The following SLFN13 variants were observed in gnomAD, a reference collection of about 807,000 sequenced individuals.
SLFN13 encodes schlafen family member 13, also known as schlafen-13.
Under a neutral mutation model 50.6 loss-of-function variants are expected in SLFN13, and 43 were observed. The ratio of observed to expected loss-of-function variants is 0.85; its 90% CI spans 0.67 to 1.09. The LOEUF (loss-of-function observed/expected upper bound fraction) is 1.09, where lower values mean the gene tolerates loss of function less well. Ranked by LOEUF, SLFN13 falls within the 50% of genes least tolerant of loss-of-function variation. The probability of loss-of-function intolerance (pLI) is 0.00; values close to 1 mark genes in which losing one functional copy is unlikely to be tolerated. For missense variants in SLFN13, 881 were observed against 1,071.1 expected (o/e 0.82, Z 2.48); for synonymous variants, 339 against 386.5 (o/e 0.88, Z 1.44).
Position 35,445,499 on chromosome 17 carries a change from A to T in SLFN13, c.182T>A (p.Ile61Asn). The change falls in exon 3 of 6, where the codon ATT becomes AAT. Residue 61 changes from isoleucine (I) to asparagine (N), a missense_variant. By Grantham distance (149) the Ile-to-Asn change is moderately radical (BLOSUM62 -3). Coordinates refer to ENST00000285013, the MANE Select transcript of SLFN13 (RefSeq NM_144682.6). ...CALLNSGGGV[I>N]QMEMANRDER... is the part of the protein sequence containing the mutation. ...ATCCCTGTTGGCCATTTCCATCTGA[A>T]TCACTCCTCCTCCTGAGTTTAATAA... 1 of 1,614,170 alleles carries T rather than the reference A, an allele frequency of 6.2e-7. No individual in the cohort carries two copies. The highest frequency in any genetic ancestry group is 8.5e-7 in the Non-Finnish European group (1 of 1,180,026).
At position 35,441,604 on chromosome 17, in the gene SLFN13, A is replaced by G; in HGVS notation, c.1881T>C (p.Ile627=). The G allele has an allele frequency of 1.3e-6, 2 of 1,585,340 alleles. No homozygotes were observed. Among genetic ancestry groups the G allele is most frequent in the Non-Finnish European group, 1.7e-6 (2 of 1,170,326 alleles). The change falls in exon 5 of 6, where the codon ATT becomes ATC. Residue 627 remains isoleucine (I), a synonymous_variant. Transcript: ENST00000285013. ...RNVFHCEAHR[I]LYVCENQPLR... is the part of the protein sequence containing the mutation. Reference sequence around the variant, plus strand: ...GAGGCTGGTTTTCACAAACGTAGAGAATTCTGTGTGCCTCACAGTGAAACA... The same window carrying G: ...GAGGCTGGTTTTCACAAACGTAGAGGATTCTGTGTGCCTCACAGTGAAACA...
chr17:35,441,402 T>A (rs368533950), intron 5 of SLFN13, 36 bp from the exon 6 acceptor site: 1 of 1,574,538 alleles, frequency 6.4e-7, no homozygotes, highest in East Asian at 2.2e-5. Context: ...AGGTTTTCTC[T>A]AAGAAAACAA....
At position 35,444,837 on chromosome 17, in the gene SLFN13, T is replaced by C. The variant is rs1340622196; in HGVS notation, c.844A>G (p.Ile282Val). ...VIARAISKLPIVHFCSSKPRV... is the reference protein window; with the variant it reads ...VIARAISKLPVVHFCSSKPRV... ...GGTTTTGAAGAGCAAAAATGAACAA[T>C]GGGCAACTTAGAAATTGCTCTTGCA... Residue 282 changes from isoleucine (I) to valine (V), a missense_variant, in exon 3 of 6, where the codon ATT becomes GTT. Around this residue, in one of 5 missense-constraint regions of SLFN13, gnomAD observed 497 missense variants for 518.3 expected, o/e 0.96. Transcript: ENST00000285013. 2 of 1,614,202 alleles carry C rather than the reference T, an allele frequency of 1.2e-6. No individual in the cohort carries two copies. The highest frequency in any genetic ancestry group is 2.2e-5 in the South Asian group (2 of 91,088).
At position 35,441,147 on chromosome 17, in the gene SLFN13, G is replaced by A. The variant is rs1213490580; in HGVS notation, c.2142C>T (p.Gly714=). The A allele has an allele frequency of 6.2e-7, 1 of 1,614,018 alleles. No individual in the cohort carries two copies. The highest frequency in any genetic ancestry group is 8.5e-7 in the Non-Finnish European group (1 of 1,179,970). Residue 714 remains glycine, a synonymous_variant, in exon 6 of 6, where the codon GGC becomes GGT. Coordinates refer to ENST00000285013, the MANE Select transcript of SLFN13 (RefSeq NM_144682.6). ...GATACTGTGCTGAGAGAGGGGGAAG[G>A]CCACTGTGACCCAAGTGACTGGTCT... ...YFQTSHLGHS[G]LPPLSAQYPR...
chr17:35,449,441 G>A (rs1913393687), upstream of SLFN13, among the ~76,000 whole-genome samples: 1 of 151,702 alleles, frequency 6.6e-6, no homozygotes, highest in South Asian at 2.1e-4. Context: ...CCCTTCCACC[G>A]CACTGCAACT....
In SLFN13 at chr17:35,445,099, T is replaced by G; in HGVS notation, c.582A>C (p.Gln194His). ...TTTCACCATATTCAATAGTGTCAGT[T>G]TGGAAAACTTCATATGCAGGATTTG... ...SESNPAYEVF[Q>H]TDTIEYGEIL... The change falls in exon 3 of 6, where the codon CAA becomes CAC. Residue 194 changes from glutamine to histidine, a missense_variant. Physicochemically the swap from Gln to His is conservative, Grantham distance 24. This residue lies in a region of SLFN13 where 497 missense variants were observed against 518.3 expected (regional missense o/e 0.96). Coordinates refer to ENST00000285013, the MANE Select transcript of SLFN13 (RefSeq NM_144682.6). The G allele has an allele frequency of 1.2e-6, 2 of 1,613,818 alleles. No homozygotes were observed. The highest frequency in any genetic ancestry group is 1.7e-6 in the Non-Finnish European group (2 of 1,180,028).
chr17:35,442,366 A>G (rs1264401054), intron 4 of SLFN13, 80 bp from the exon 5 acceptor site: 4 of 1,428,722 alleles, frequency 2.8e-6, no homozygotes, highest in Non-Finnish European at 3.7e-6. Context: ...TTTAAAAGAC[A>G]GAGGAAAGCC....
chr17:35,442,733 A>G (rs1309328594), intron 4 of SLFN13, among the ~76,000 whole-genome samples: 1 of 152,098 alleles, frequency 6.6e-6, no homozygotes, highest in African/African-American at 2.4e-5. Flanking sequence ...ATGAGCCACC[A>G]CGCCTTGCCT....
intron 4 of SLFN13, among the ~76,000 whole-genome samples, chr17:35,443,246 T>C (rs551874861): frequency 6.6e-6 from 1 of 152,338 alleles, no homozygotes; most frequent in East Asian, 1.9e-4. Flanking sequence ...TGAATTATTA[T>C]TTGGTGCCAC....
intron 1 of SLFN13, chr17:35,448,314 C>T (rs1467402287): frequency 6.6e-6 from 1 of 152,298 alleles, no homozygotes; most frequent in Non-Finnish European, 1.5e-5. Flanking sequence ...TTGGCTCTGC[C>T]TGTTTGTTCC....
chr17:35,447,245 G>A (rs948476079), intron 2 of SLFN13, 23 bp downstream of exon 2: 3 of 151,992 alleles, frequency 2.0e-5, no homozygotes, highest in Non-Finnish European at 2.9e-5. Context: ...GAGAATTCAG[G>A]TGAAAAAAAT....
intron 2 of SLFN13, among the ~76,000 whole-genome samples, chr17:35,446,388 G>A (rs1223693584): frequency 1.3e-5 from 2 of 152,110 alleles, no homozygotes; most frequent in Non-Finnish European, 1.5e-5. Context: ...CAGACACCTG[G>A]GAAATGGGCA....
rs1912941541 is a variant in SLFN13 at position 35,442,109 on chromosome 17, CA to C, written c.1375del (p.Cys459ValfsTer5). ...LNLQEKPGVI[C>X]DALLIAQNST... ...GTTCTGTGCTATCAGCAGAGCATCA[CA>C]GATGACTCCTGGCTTCTCCTGCAAG... is the stretch of plus-strand genomic sequence containing the variant. On this transcript the variant is annotated frameshift_variant, in exon 5 of 6. Transcript: ENST00000285013. LOFTEE classifies it high-confidence loss of function. 2 of 1,614,254 alleles carry C rather than the reference CA, an allele frequency of 1.2e-6. No individual in the cohort carries two copies. Among genetic ancestry groups the C allele is most frequent in the Non-Finnish European group, 1.7e-6 (2 of 1,180,028 alleles).
Position 35,440,659 on chromosome 17 carries a change from A to T in SLFN13, c.2630T>A (p.Ile877Asn), listed in dbSNP as rs1466713734. 3 of 1,614,058 alleles carry T rather than the reference A, an allele frequency of 1.9e-6. No individual in the cohort carries two copies. The African/African-American group carries it at 4.0e-5, about 22-fold the overall frequency. The change falls in exon 6 of 6, where the codon ATC becomes AAC. Residue 877 changes from isoleucine (I) to asparagine (N), a missense_variant. Physicochemically the swap from Ile to Asn is moderately radical, Grantham distance 149. Coordinates refer to ENST00000285013, the MANE Select transcript of SLFN13 (RefSeq NM_144682.6). ...GIHPRTADPA[I>N]LPNILICLAS... is the part of the protein sequence containing the mutation. Reference sequence around the variant, plus strand: ...CAGACAGATCAGAATATTGGGTAAGATAGCTGGGTCAGCTGTCCTTGGATG... The same window carrying T: ...CAGACAGATCAGAATATTGGGTAAGTTAGCTGGGTCAGCTGTCCTTGGATG...
rs772572726 is a variant in SLFN13, at chr17:35,442,119, C to T, written c.1366G>A (p.Gly456Arg). The T allele has an allele frequency of 6.2e-7, 1 of 1,614,130 alleles. No homozygotes were observed. The highest frequency in any genetic ancestry group is 1.3e-5 in the African/African-American group (1 of 74,946). The change falls in exon 5 of 6, where the codon GGA (glycine) becomes AGA (arginine). Residue 456 changes from glycine (G) to arginine (R), a missense_variant. Gly to Arg is a moderately radical substitution (Grantham distance 125, BLOSUM62 -2). This residue lies in a region of SLFN13 where 15 missense variants were observed against 29.0 expected (regional missense o/e 0.52). Coordinates refer to ENST00000285013, the MANE Select transcript of SLFN13 (RefSeq NM_144682.6). ...ATCAGCAGAGCATCACAGATGACTC[C>T]TGGCTTCTCCTGCAAGTTCAGGTCC... ...AVDLNLQEKP[G>R]VICDALLIAQ...
upstream of SLFN13, chr17:35,448,810 C>G (rs1231494143): frequency 6.6e-6 from 1 of 152,274 alleles, no homozygotes; most frequent in Non-Finnish European, 1.5e-5. Flanking sequence ...TGGTTGGCGC[C>G]TACCTGGGCA....
Position 35,441,135 on chromosome 17 carries a change from G to C in SLFN13, c.2154C>G (p.Leu718=). The part of the protein sequence containing the change: ...SHLGHSGLPP[L]SAQYPREELT... The stretch of plus-strand genomic sequence containing the variant: ...GCTCTTCTCTTGGATACTGTGCTGA[G>C]AGAGGGGGAAGGCCACTGTGACCCA... The change falls in exon 6 of 6, where the codon CTC becomes CTG. Residue 718 remains leucine (L), a synonymous_variant. Coordinates refer to ENST00000285013, the MANE Select transcript of SLFN13 (RefSeq NM_144682.6). 1 of 1,614,088 alleles carries C rather than the reference G, an allele frequency of 6.2e-7. No individual in the cohort carries two copies.
At position 35,439,275 on chromosome 17, in the gene SLFN13, G is replaced by C. The variant is rs1912732213; in HGVS notation, c.*1320C>G. ...TAGCAGCCCCAGCTCCACAGTGAAGGTTGGGGCTTCAACATGGGAATTTAG... is the reference window on the plus strand; with the variant it reads ...TAGCAGCCCCAGCTCCACAGTGAAGCTTGGGGCTTCAACATGGGAATTTAG... On this transcript the variant is annotated 3_prime_UTR_variant, in exon 6 of 6. Coordinates refer to ENST00000285013, the MANE Select transcript of SLFN13 (RefSeq NM_144682.6). The C allele has an allele frequency of 6.6e-6, 1 of 152,074 alleles. No homozygotes were observed. Among genetic ancestry groups the C allele is most frequent in the Non-Finnish European group, 1.5e-5 (1 of 68,036 alleles). The allele number at this position is 152,074 out of a possible 1,614,324, so 9.4% of individuals were successfully genotyped here. A position where few individuals can be genotyped will look rare whatever the true frequency, so the allele number is the denominator to read the frequency against.
At chr17:35,447,626 C>T (rs977211035) in intron 1 of SLFN13, among the ~76,000 whole-genome samples, 1 of 152,166 alleles carries the variant, frequency 6.6e-6, no homozygotes, top group African/African-American at 2.4e-5. Flanking sequence ...CTCCCAAGCC[C>T]CCCACCCCAC....
Sources: allele counts gnomAD v4.1 joint callset (sites outside exome capture counted in the v4.1 genomes callset), GRCh38; gene constraint gnomAD v4.1.1; regional missense constraint gnomAD v4.1.1; transcripts MANE v1.5; gene names NCBI Gene and HGNC (gene_info 2026-07-23, HGNC 2026-07-21).